TRIM68: variants seen among roughly 807,000 people sequenced by gnomAD.
The protein encoded by TRIM68 is tripartite motif containing 68.
TRIM68 carries 36 observed loss-of-function variants against 41.9 expected under a neutral mutation model. The observed-to-expected ratio is 0.86, with a 90% CI of 0.66 to 1.14. TRIM68 has a LOEUF of 1.14. Ranked by LOEUF, TRIM68 falls within the 50% of genes most tolerant of loss-of-function variation. TRIM68 has a pLI of 0.00. For missense variants in TRIM68, 632 were observed against 605.1 expected (o/e 1.04, Z -0.47); for synonymous variants, 225 against 224.6 (o/e 1.00, Z -0.02).
chr11:4,605,316 A>G lies in TRIM68; in HGVS notation c.189T>C (p.Pro63=), dbSNP rs1461438171. The change falls in exon 2 of 7, where the codon CCT becomes CCC. Residue 63 remains proline (P), a synonymous_variant. Coordinates refer to ENST00000300747, the MANE Select transcript of TRIM68 (RefSeq NM_018073.8). ...WGYTCPLCRA[P]VQPRNLRPNW... is the part of the protein sequence containing the mutation. ...TAGGCCGCAGGTTCCTTGGCTGGAC[A>G]GGAGCTCGACAGAGGGGACAGGTGT... 7 of 1,614,268 alleles carry G rather than the reference A, an allele frequency of 4.3e-6. No individual in the cohort carries two copies. In the East Asian group the frequency reaches 1.1e-4, roughly 26 times the overall value.
intron 1 of TRIM68, among the ~76,000 whole-genome samples, chr11:4,607,701 G>T (rs1237811849): frequency 2.0e-5 from 3 of 152,220 alleles, no homozygotes; most frequent in Non-Finnish European, 4.4e-5. Context: ...TTCAAAATAA[G>T]ACCTGCTTTA....
At position 4,602,222 on chromosome 11, in the gene TRIM68, C is replaced by G. The variant is rs961380315; in HGVS notation, c.713G>C (p.Ser238Thr). ...TGCAATCATCCTCCACAGGACCTGG[C>G]TCTGCTGGATGAGCTCGCTATGGTT... is the stretch of plus-strand genomic sequence containing the variant. ...ELNHSELIQQ[S>T]QVLWRMIAEL... Residue 238 changes from serine to threonine, a missense_variant, in exon 4 of 7, where the codon AGC (serine) becomes ACC (threonine). Ser to Thr is a moderately conservative substitution (Grantham distance 58). Coordinates refer to ENST00000300747, the MANE Select transcript of TRIM68 (RefSeq NM_018073.8). The G allele has an allele frequency of 6.2e-7, 1 of 1,614,090 alleles. No individual in the cohort carries two copies. Among genetic ancestry groups the G allele is most frequent in the African/African-American group, 1.3e-5 (1 of 74,928 alleles).
rs1006881931 is a variant in TRIM68, at chr11:4,605,542, C to T, written c.-38G>A. ...CACCCTCCTCAGAACATGAATGAAACCAGGGAGAAGTAGTAAAGGCTGAGA... is the reference window on the plus strand; with the variant it reads ...CACCCTCCTCAGAACATGAATGAAATCAGGGAGAAGTAGTAAAGGCTGAGA... On this transcript the variant is annotated 5_prime_UTR_variant, in exon 2 of 7. Coordinates refer to ENST00000300747, the MANE Select transcript of TRIM68 (RefSeq NM_018073.8). 6.5e-7 allele frequency: 1 copy of T among 1,545,654 alleles called. No individual in the cohort carries two copies. Among genetic ancestry groups the T allele is most frequent in the Non-Finnish European group, 8.8e-7 (1 of 1,142,466 alleles).
At position 4,601,053 on chromosome 11, in the gene TRIM68, A is replaced by G. The variant is rs1420950899; in HGVS notation, c.881T>C (p.Leu294Pro). ...ELKTDCRVLG[L>P]REILKTYAAD... ...TGCATAAGTCTTCAGGATCTCTCTT[A>G]GCCCCAGCACACGGCAATCTGTCTT... Residue 294 changes from leucine (L) to proline (P), a missense_variant, in exon 6 of 7, where the codon CTA becomes CCA. Transcript: ENST00000300747. 6.2e-7 allele frequency: 1 copy of G among 1,614,044 alleles called. No homozygotes were observed. The highest frequency in any genetic ancestry group is 1.3e-5 in the African/African-American group (1 of 74,912).
Position 4,605,331 on chromosome 11 carries a change from G to A in TRIM68, c.174C>T (p.Pro58=). 2 of 1,614,252 alleles carry A rather than the reference G, an allele frequency of 1.2e-6. No homozygotes were observed. The highest frequency in any genetic ancestry group is 1.6e-4 in the Middle Eastern group (1 of 6,062). ...TTGGCTGGACAGGAGCTCGACAGAG[G>A]GGACAGGTGTAACCCCAGTTCTGGG... ...GESQNWGYTC[P]LCRAPVQPRN... Residue 58 remains proline, a synonymous_variant, in exon 2 of 7, where the codon CCC becomes CCT. Coordinates refer to ENST00000300747, the MANE Select transcript of TRIM68 (RefSeq NM_018073.8).
intron 2 of TRIM68, among the ~76,000 whole-genome samples, chr11:4,603,806 G>A (rs866698438): frequency 2.6e-5 from 4 of 152,104 alleles, no homozygotes; most frequent in Admixed American, 6.5e-5. Flanking sequence ...CTCCCAGGTG[G>A]TTCATATGCT....
intron 2 of TRIM68, 103 bp downstream of exon 2, chr11:4,604,976 G>A: frequency 8.5e-6 from 11 of 1,293,502 alleles, no homozygotes; most frequent in Non-Finnish European, 9.6e-6. Context: ...AGGAACCAAA[G>A]GAGTTAGCTC....
At position 4,603,384 on chromosome 11, in the gene TRIM68, G is replaced by A. The variant is rs1589849416; in HGVS notation, c.427-44C>T. ...TCATGAGGCCACCTCCGGCAGCCTA[G>A]GCTTCCTAGCACTGGGAGGCTATGG... is the stretch of plus-strand genomic sequence containing the variant. On this transcript the variant is annotated intron_variant, in intron 2 of 6. Transcript: ENST00000300747. The A allele has an allele frequency of 1.9e-6, 3 of 1,592,828 alleles. 1 individual carries two copies. In the South Asian group the frequency reaches 3.3e-5, roughly 18 times the overall value.
chr11:4,601,744 G>A (rs1010347476), intron 4 of TRIM68, 58 bp from the exon 5 acceptor site: 1 of 1,599,094 alleles, frequency 6.3e-7, no homozygotes, highest in East Asian at 2.2e-5. Flanking sequence ...AGAGGGAACA[G>A]ACATCGAACT....
In TRIM68 at chr11:4,600,264, G is replaced by T. The variant is rs748917123; in HGVS notation, c.*12C>A. ...CCAATTCCAAGCCTCTCTGGTTAGG[G>T]TGGTAGCTTTCTTAGTCCTCCCCAT... On this transcript the variant is annotated 3_prime_UTR_variant, in exon 7 of 7. Coordinates refer to ENST00000300747, the MANE Select transcript of TRIM68 (RefSeq NM_018073.8). 1.9e-6 allele frequency: 3 copies of T among 1,557,656 alleles called. No individual in the cohort carries two copies. The South Asian group carries it at 3.7e-5, about 19-fold the overall frequency.
rs1165673207 is a variant in TRIM68, at chr11:4,598,772, T to C, written c.*1504A>G. ...TAAAGTAGAAACACAATTTTTAATA[T>C]TCCTTATCACAGCCATTTGAAGCTC... On this transcript the variant is annotated 3_prime_UTR_variant, in exon 7 of 7. Transcript: ENST00000300747. 1 of 152,268 alleles carries C rather than the reference T, an allele frequency of 6.6e-6. No individual in the cohort carries two copies. The highest frequency in any genetic ancestry group is 1.5e-5 in the Non-Finnish European group (1 of 68,066). 9.4% of individuals were successfully genotyped at this position (152,268 alleles called of 1,614,324 possible).
At chr11:4,601,871 G>A (rs185754366) in intron 4 of TRIM68, 185 bp from the exon 5 acceptor site, 14 of 819,246 alleles carry the variant, frequency 1.7e-5, no homozygotes, top group Non-Finnish European at 2.5e-5. Flanking sequence ...GGCTGAACTG[G>A]CCAATTTCAG....
intron 2 of TRIM68, 62 bp downstream of exon 2, chr11:4,605,017 G>C: frequency 6.4e-7 from 1 of 1,569,302 alleles, no homozygotes; most frequent in Non-Finnish European, 8.7e-7. Context: ...TCAAGCCCTT[G>C]ATCTAGAAAC....
Position 4,600,684 on chromosome 11 carries a change from G to C in TRIM68, c.1050C>G (p.Ser350Arg). ...AGTGCCGGCCTGAGGAGATGCACTG[G>C]CTTCCCAGGACGATATTATAGCGGT... ...RFYRYNIVLGSQCISSGRHYW... is the reference protein window; with the variant it reads ...RFYRYNIVLGRQCISSGRHYW... Residue 350 changes from serine (S) to arginine (R), a missense_variant, in exon 7 of 7, where the codon AGC becomes AGG. Transcript: ENST00000300747. 6.2e-7 allele frequency: 1 copy of C among 1,614,148 alleles called. No homozygotes were observed. The highest frequency in any genetic ancestry group is 1.1e-5 in the South Asian group (1 of 91,080).
intron 1 of TRIM68, among the ~76,000 whole-genome samples, chr11:4,606,399 T>C (rs757231600): frequency 2.6e-5 from 4 of 152,240 alleles, no homozygotes; most frequent in African/African-American, 4.8e-5. Context: ...TTCACTTTGC[T>C]AGTTTGTGTT....
intron 2 of TRIM68, among the ~76,000 whole-genome samples, chr11:4,603,975 T>G (rs1846533873): frequency 6.6e-6 from 1 of 152,218 alleles, no homozygotes; most frequent in South Asian, 2.1e-4. Context: ...CAGCTCTAAA[T>G]ATGCATGTGA....
chr11:4,602,498 C>T (rs1019726990), intron 3 of TRIM68, 86 bp from the exon 4 acceptor site: 1 of 1,528,064 alleles, frequency 6.5e-7, no homozygotes, highest in Non-Finnish European at 8.9e-7. Context: ...ACATACTCTG[C>T]AATGGTACCA....
intron 2 of TRIM68, 115 bp from the exon 3 acceptor site, chr11:4,603,455 G>T: frequency 1.1e-6 from 1 of 880,474 alleles, no homozygotes; most frequent in Non-Finnish European, 1.8e-6. Context: ...AAGGCTGTGG[G>T]GAAAGGGAAT....
Position 4,605,301 on chromosome 11 carries a change from G to A in TRIM68, c.204C>T (p.Asn68=), listed in dbSNP as rs1846552873. ...TGGCCAGCTGCCAATTAGGCCGCAG[G>A]TTCCTTGGCTGGACAGGAGCTCGAC... ...PLCRAPVQPR[N]LRPNWQLANV... is the part of the protein sequence containing the mutation. The change falls in exon 2 of 7, where the codon AAC becomes AAT. Residue 68 remains asparagine, a synonymous_variant. Transcript: ENST00000300747. The A allele has an allele frequency of 3.7e-6, 6 of 1,614,264 alleles. No homozygotes were observed. Among genetic ancestry groups the A allele is most frequent in the Non-Finnish European group, 5.1e-6 (6 of 1,180,050 alleles).
Sources: allele counts gnomAD v4.1 joint callset (sites outside exome capture counted in the v4.1 genomes callset), GRCh38; gene constraint gnomAD v4.1.1; transcripts MANE v1.5; gene names NCBI Gene and HGNC (gene_info 2026-07-23, HGNC 2026-07-21).